TAB2: variants seen among roughly 807,000 people sequenced by gnomAD.
TAB2 encodes the protein TGF-beta activated kinase 1 (MAP3K7) binding protein 2, also known as TGF-beta-activated kinase 1 and MAP3K7-binding protein 2.
Under a neutral mutation model 65.0 loss-of-function variants are expected in TAB2, and 3 were observed. That is an observed-to-expected ratio of 0.05 (90% CI 0.02 to 0.12). The LOEUF (loss-of-function observed/expected upper bound fraction) is 0.12, where lower values mean the gene tolerates loss of function less well. Ranked by LOEUF, TAB2 falls within the 10% of genes least tolerant of loss-of-function variation. The pLI, the probability that TAB2 is intolerant of heterozygous loss-of-function variation, is 1.00. For missense variants in TAB2, 623 were observed against 840.3 expected (o/e 0.74, Z 3.20); for synonymous variants, 298 against 285.1 (o/e 1.05, Z -0.46).
intron 1 of TAB2, among the ~76,000 whole-genome samples, chr6:149,322,151 GC>G (rs34783605): frequency 0.23 from 35,530 of 151,826 alleles, 4,316 homozygotes; most frequent in Non-Finnish European, 0.26. Flanking sequence ...TCTTCCAGAT[GC>G]TGGAGGTGCC....
At chr6:149,365,462 C>A (rs1781009359) in intron 1 of TAB2, among the ~76,000 whole-genome samples, 1 of 152,060 alleles carries the variant, frequency 6.6e-6, no homozygotes, top group African/African-American at 2.4e-5. Context: ...TATATTATGT[C>A]ATTTCACTGT....
At chr6:149,326,552 AT>A (rs11309696) in intron 1 of TAB2, among the ~76,000 whole-genome samples, 70,094 of 141,568 alleles carry the variant, frequency 0.5, 16,617 homozygotes, top group Middle Eastern at 0.63. Context: ...TTTTGTTATT[AT>A]TTTTTTTTTT....
intron 1 of TAB2, among the ~76,000 whole-genome samples, chr6:149,241,856 A>G (rs1235302258): frequency 3.3e-5 from 5 of 152,152 alleles, no homozygotes; most frequent in Non-Finnish European, 7.3e-5. Flanking sequence ...AGAATTGGGG[A>G]AGAAGTGAAC....
rs535327185 is a variant in TAB2 at position 149,242,412 on chromosome 6, A to T, written c.-121+23636A>T. Reference sequence around the variant, plus strand: ...AAAGCCTATTAGCACTTTGAAATCTAAATAAACCTATTTTTTTCCTGTGAA... The same window carrying T: ...AAAGCCTATTAGCACTTTGAAATCTTAATAAACCTATTTTTTTCCTGTGAA... On this transcript the variant is annotated intron_variant, in intron 1 of 1. Transcript: ENST00000606202. 2.6e-5 allele frequency among the ~76,000 whole-genome samples: 4 copies of T among 152,328 alleles called. No individual in the cohort carries two copies. The South Asian group carries it at 8.3e-4, about 32-fold the overall frequency.
chr6:149,266,863 C>T (rs1778273952), intron 1 of TAB2, among the ~76,000 whole-genome samples: 2 of 152,100 alleles, frequency 1.3e-5, no homozygotes, highest in Admixed American at 6.5e-5. Context: ...AGCCATCTTA[C>T]AGGGAGAAAC....
At chr6:149,332,078 C>T (rs539375294) in intron 1 of TAB2, among the ~76,000 whole-genome samples, 6 of 152,102 alleles carry the variant, frequency 3.9e-5, no homozygotes, top group South Asian at 2.1e-4. Flanking sequence ...AGATTTTTGG[C>T]GCAAGCAATT....
At chr6:149,403,263 T>TATATATATATATATAC (rs1782517580) in intron 6 of TAB2, among the ~76,000 whole-genome samples, 1 of 43,634 alleles carries the variant, frequency 2.3e-5, no homozygotes, top group Non-Finnish European at 3.9e-5. Flanking sequence ...TATATATATA[T>TATATATATATATATAC]ATATATATAT....
rs777629534 is a variant in TAB2, at chr6:149,266,575, T to A, written c.-121+47799T>A. Among the ~76,000 whole-genome samples, 13 of 152,288 alleles carry A rather than the reference T, an allele frequency of 8.5e-5. No individual in the cohort carries two copies. The South Asian group carries it at 2.7e-3, about 32-fold the overall frequency. On this transcript the variant is annotated intron_variant, in intron 1 of 1. Coordinates refer to the TAB2 transcript ENST00000606202. ...TTCACATCATCTAACAAAACAGTGA[T>A]CGGCTTATAACCCACAGCTTGATCC...
chr6:149,392,199 GAC>G (rs1394954277), intron 3 of TAB2, among the ~76,000 whole-genome samples: 3 of 151,838 alleles, frequency 2.0e-5, no homozygotes, highest in African/African-American at 7.3e-5. Flanking sequence ...GGAGTGCAGT[GAC>G]ACAATATCAG....
intron 1 of TAB2, among the ~76,000 whole-genome samples, chr6:149,235,360 C>T (rs1285048966): frequency 1.3e-5 from 2 of 152,212 alleles, no homozygotes; most frequent in African/African-American, 4.8e-5. Flanking sequence ...TGGGGATATT[C>T]TGTTGAGGAA....
intron 1 of TAB2, among the ~76,000 whole-genome samples, chr6:149,369,406 G>C (rs548449539): frequency 5.6e-4 from 85 of 152,274 alleles, no homozygotes; most frequent in African/African-American, 2.0e-3. Flanking sequence ...AAGCTCCTAA[G>C]AATGAATTGA....
rs1484860477 is a variant in TAB2 at position 149,410,993 on chromosome 6, T to C, written c.*1274T>C. On this transcript the variant is annotated 3_prime_UTR_variant, in exon 7 of 7. Transcript: ENST00000637181. ...TTTATAAAACAAGGCTAGCCATATT[T>C]AGGACAACTGAAGAAAAGCTGGAAA... The C allele has an allele frequency of 1.3e-5, 2 of 152,532 alleles. No homozygotes were observed. The highest frequency in any genetic ancestry group is 4.8e-5 in the African/African-American group (2 of 41,406). The allele number at this position is 152,532 out of a possible 1,614,324, so 9.4% of individuals were successfully genotyped here.
chr6:149,331,739 T>A (rs1229044510), intron 1 of TAB2, among the ~76,000 whole-genome samples: 1 of 152,158 alleles, frequency 6.6e-6, no homozygotes, highest in Non-Finnish European at 1.5e-5. Flanking sequence ...TTATCATGAG[T>A]AGGTCTTCAA....
chr6:149,296,498 A>G (rs1337191234), intron 1 of TAB2, among the ~76,000 whole-genome samples: 1 of 152,110 alleles, frequency 6.6e-6, no homozygotes, highest in Non-Finnish European at 1.5e-5. Flanking sequence ...CTGTCTTGTC[A>G]TCTCTTCAAT....
In TAB2 at chr6:149,294,977, GAC is replaced by G. The variant is rs1218579110; in HGVS notation, c.-121+76205_-121+76206del. ...AATATAACACACAGGTAAAGAAAAA[GAC>G]ACAGTCATATCACGTAAATTACAGT... On this transcript the variant is annotated intron_variant, in intron 1 of 1. Coordinates refer to the TAB2 transcript ENST00000606202. 4.6e-5 allele frequency among the ~76,000 whole-genome samples: 7 copies of G among 152,154 alleles called. No individual in the cohort carries two copies. In the East Asian group the frequency reaches 7.7e-4, roughly 17 times the overall value.
At chr6:149,290,547 A>T (rs1778757148) in intron 1 of TAB2, among the ~76,000 whole-genome samples, 1 of 152,194 alleles carries the variant, frequency 6.6e-6, no homozygotes, top group Non-Finnish European at 1.5e-5. Flanking sequence ...AGACTAGAAG[A>T]GTGTGTGGTA....
intron 1 of TAB2, among the ~76,000 whole-genome samples, chr6:149,349,544 T>C (rs1320333342): frequency 1.3e-5 from 2 of 152,212 alleles, no homozygotes; most frequent in Non-Finnish European, 2.9e-5. Context: ...GGTGTGTTCC[T>C]GTTTACTTTT....
chr6:149,398,060 G>A lies in TAB2; in HGVS notation c.1856G>A (p.Arg619Gln), dbSNP rs570731971. The change falls in exon 5 of 7, where the codon CGA becomes CAA. Residue 619 changes from arginine to glutamine, a missense_variant and splice_region_variant. Around this residue, in one of 3 missense-constraint regions of TAB2, gnomAD observed 56 missense variants for 130.3 expected, o/e 0.43. Coordinates refer to ENST00000637181, the MANE Select transcript of TAB2 (RefSeq NM_001292034.3). ...LTKEIDLFQA[R>Q]GPHFNPSAIH... ...AAAGAAATTGATCTTTTTCAAGCCC[G>A]AGGTAAAGTTCAGTGTATTTGTAGC... 58 of 1,613,006 alleles carry A rather than the reference G, an allele frequency of 3.6e-5. No homozygotes were observed. In the East Asian group the frequency reaches 1.2e-3, roughly 34 times the overall value.
chr6:149,377,258 A>G (rs945121683), intron 2 of TAB2, among the ~76,000 whole-genome samples: 4 of 151,354 alleles, frequency 2.6e-5, no homozygotes, highest in Admixed American at 2.0e-4. Flanking sequence ...TTTTTAGTAG[A>G]GACGGGATTT....
Sources: allele counts gnomAD v4.1 joint callset (sites outside exome capture counted in the v4.1 genomes callset), GRCh38; gene constraint gnomAD v4.1.1; regional missense constraint gnomAD v4.1.1; transcripts MANE v1.5; gene names NCBI Gene and HGNC (gene_info 2026-07-23, HGNC 2026-07-21).